LIN7A: variants seen among roughly 807,000 people sequenced by gnomAD.
LIN7A encodes the protein protein lin-7 homolog A.
Under a neutral mutation model 29.8 loss-of-function variants are expected in LIN7A, and 25 were observed. The ratio of observed to expected loss-of-function variants is 0.84; its 90% CI spans 0.61 to 1.17. The LOEUF is 1.17. Ranked by LOEUF, LIN7A falls within the 50% of genes most tolerant of loss-of-function variation. The probability of loss-of-function intolerance (pLI) is 0.00; values close to 1 mark genes in which losing one functional copy is unlikely to be tolerated. For missense variants in LIN7A, 239 were observed against 287.0 expected (o/e 0.83, Z 1.21); for synonymous variants, 118 against 107.5 (o/e 1.10, Z -0.60).
chr12:80,841,834 G>A (rs552448158), intron 4 of LIN7A: 1 of 946,002 alleles, frequency 1.1e-6, no homozygotes, highest in Non-Finnish European at 1.3e-6. Context: ...AGCATAAAAG[G>A]GTGAAAAGGA....
chr12:80,905,415 T>G (rs1004584292), intron 1 of LIN7A, among the ~76,000 whole-genome samples: 2 of 152,202 alleles, frequency 1.3e-5, no homozygotes, highest in Non-Finnish European at 2.9e-5. Context: ...TCATTTTGGA[T>G]TTTAATAGCA....
chr12:80,800,907 A>G (rs1049747344), intron 5 of LIN7A, among the ~76,000 whole-genome samples: 3 of 152,178 alleles, frequency 2.0e-5, no homozygotes, highest in African/African-American at 7.2e-5. Context: ...AATGACCTTA[A>G]TGTCCATTCA....
intron 5 of LIN7A, among the ~76,000 whole-genome samples, chr12:80,808,995 G>GT (rs1218835864): frequency 2.1e-3 from 285 of 138,984 alleles, no homozygotes; most frequent in South Asian, 0.01. Context: ...TTTTTTTGTG[G>GT]TTTTTTTGAG....
chr12:80,799,394 A>G (rs1478073012), intron 5 of LIN7A, among the ~76,000 whole-genome samples: 3 of 152,248 alleles, frequency 2.0e-5, no homozygotes, highest in African/African-American at 4.8e-5. Context: ...CTAAATGTTA[A>G]GTCCACATCC....
chr12:80,875,811 T>C (rs1785135831), intron 2 of LIN7A, among the ~76,000 whole-genome samples: 1 of 152,216 alleles, frequency 6.6e-6, no homozygotes, highest in African/African-American at 2.4e-5. Flanking sequence ...ACTTTCAGTC[T>C]AATAAGGTAG....
intron 5 of LIN7A, among the ~76,000 whole-genome samples, chr12:80,799,866 A>T (rs1055663063): frequency 2.6e-5 from 4 of 152,120 alleles, no homozygotes; most frequent in African/African-American, 9.7e-5. Flanking sequence ...ATCAATAAAA[A>T]CCAAGCACTG....
intron 4 of LIN7A, among the ~76,000 whole-genome samples, chr12:80,832,275 C>T (rs562927932): frequency 4.9e-4 from 74 of 152,114 alleles, no homozygotes; most frequent in Non-Finnish European, 9.4e-4. Flanking sequence ...TCTACGTTTT[C>T]TTTAAACTGT....
At chr12:80,827,825 G>T (rs1158052611) in intron 4 of LIN7A, among the ~76,000 whole-genome samples, 2 of 152,002 alleles carry the variant, frequency 1.3e-5, no homozygotes, top group African/African-American at 4.8e-5. Flanking sequence ...ACTTTATGAT[G>T]GTTTACAAGG....
intron 5 of LIN7A, among the ~76,000 whole-genome samples, chr12:80,810,904 G>A (rs576336736): frequency 1.1e-4 from 17 of 152,302 alleles, no homozygotes; most frequent in African/African-American, 4.1e-4. Context: ...CTTTAAAGGA[G>A]CATCCGCAGA....
intron 3 of LIN7A, among the ~76,000 whole-genome samples, chr12:80,846,344 T>G (rs1211330234): frequency 6.6e-6 from 1 of 152,210 alleles, no homozygotes; most frequent in African/African-American, 2.4e-5. Context: ...TCTTGCACTC[T>G]TTTGTATGAC....
intron 1 of LIN7A, among the ~76,000 whole-genome samples, chr12:80,901,717 A>T (rs796462522): frequency 1.3e-5 from 2 of 152,276 alleles, no homozygotes; most frequent in African/African-American, 4.8e-5. Context: ...CCTCAAATAC[A>T]TCCTATACTA....
intron 4 of LIN7A, among the ~76,000 whole-genome samples, chr12:80,828,354 A>C (rs189684711): frequency 4.6e-5 from 7 of 152,168 alleles, no homozygotes; most frequent in African/African-American, 1.7e-4. Context: ...CAACAGGGGA[A>C]TAGTTAAATG....
chr12:80,839,020 T>G (rs1216067922), intron 4 of LIN7A, among the ~76,000 whole-genome samples: 4 of 152,208 alleles, frequency 2.6e-5, no homozygotes, highest in Admixed American at 6.5e-5. Flanking sequence ...GCCATTTGAA[T>G]CAGAGTAAAT....
At chr12:80,911,025 G>C (rs1196221034) in intron 1 of LIN7A, among the ~76,000 whole-genome samples, 1 of 152,046 alleles carries the variant, frequency 6.6e-6, no homozygotes, top group East Asian at 1.9e-4. Context: ...ATTATTCTCT[G>C]TGAAAATATT....
intron 2 of LIN7A, among the ~76,000 whole-genome samples, chr12:80,854,931 A>G (rs79367237): frequency 6.6e-6 from 1 of 152,320 alleles, no homozygotes; most frequent in Non-Finnish European, 1.5e-5. Flanking sequence ...TATAATAATA[A>G]CATGACATTC....
intron 2 of LIN7A, among the ~76,000 whole-genome samples, chr12:80,876,696 T>C (rs149421165): frequency 7.1e-4 from 108 of 152,324 alleles, no homozygotes; most frequent in African/African-American, 2.5e-3. Flanking sequence ...GCATTGTACA[T>C]TCCATTGGTG....
At chr12:80,928,073 T>C (rs1417130434) in intron 1 of LIN7A, among the ~76,000 whole-genome samples, 1 of 152,218 alleles carries the variant, frequency 6.6e-6, no homozygotes, top group Non-Finnish European at 1.5e-5. Flanking sequence ...TTCCATGGTG[T>C]ATATGTGCCA....
At chr12:80,918,845 G>A (rs1312224288) in intron 1 of LIN7A, among the ~76,000 whole-genome samples, 1 of 152,174 alleles carries the variant, frequency 6.6e-6, no homozygotes, top group African/African-American at 2.4e-5. Flanking sequence ...CAGTCAATGA[G>A]GAGCTGCATA....
intron 4 of LIN7A, among the ~76,000 whole-genome samples, chr12:80,830,798 A>G (rs10862193): frequency 0.4 from 60,179 of 151,900 alleles, 12,083 homozygotes; most frequent in Non-Finnish European, 0.42. Flanking sequence ...TGGTGTTGAC[A>G]CTTTCCTCTG....
Sources: allele counts gnomAD v4.1 joint callset (sites outside exome capture counted in the v4.1 genomes callset), GRCh38; gene constraint gnomAD v4.1.1; transcripts MANE v1.5; gene names NCBI Gene and HGNC (gene_info 2026-07-23, HGNC 2026-07-21).